The following CHST9 variants were observed in gnomAD, a reference collection of about 807,000 sequenced individuals.
The protein encoded by CHST9 is GalNAc-4-sulfotransferase 2.
In CHST9, 41 loss-of-function variants were observed where a neutral mutation model predicts 44.4. That is an observed-to-expected ratio of 0.92 (90% CI 0.72 to 1.20). The LOEUF is 1.20. Ranked by LOEUF, CHST9 falls within the 50% of genes most tolerant of loss-of-function variation. The pLI is 0.00. For synonymous variants in CHST9, 171 were observed against 178.4 expected (o/e 0.96, Z 0.33); for missense variants, 504 against 516.5 (o/e 0.98, Z 0.23).
intron 4 of CHST9, among the ~76,000 whole-genome samples, chr18:26,946,229 C>T (rs544223329): frequency 1.3e-5 from 2 of 152,110 alleles, no homozygotes; most frequent in Non-Finnish European, 2.9e-5. Context: ...AATTACAGAT[C>T]ACTGGTGTTT....
chr18:27,165,375 G>C (rs1426893162), intron 1 of CHST9, among the ~76,000 whole-genome samples: 4 of 152,126 alleles, frequency 2.6e-5, no homozygotes, highest in Non-Finnish European at 5.9e-5. Flanking sequence ...AATAATGAAA[G>C]CACTGACTCT....
chr18:27,170,418 T>A (rs1482977205), intron 1 of CHST9, among the ~76,000 whole-genome samples: 3 of 152,184 alleles, frequency 2.0e-5, no homozygotes, highest in Non-Finnish European at 2.9e-5. Flanking sequence ...GAAACAGGCC[T>A]TTATTGTATT....
chr18:27,098,695 C>T (rs866387126), intron 2 of CHST9, among the ~76,000 whole-genome samples: 3 of 152,170 alleles, frequency 2.0e-5, no homozygotes, highest in Middle Eastern at 3.4e-3. Context: ...AGCAAACTAA[C>T]ACAGGAACAG....
intron 2 of CHST9, among the ~76,000 whole-genome samples, chr18:27,076,000 G>T (rs1449533787): frequency 6.6e-6 from 1 of 152,160 alleles, no homozygotes; most frequent in East Asian, 1.9e-4. Context: ...GTAGCCATTG[G>T]AGGCTGTCCT....
chr18:26,976,323 TA>T (rs1423862169), intron 4 of CHST9, among the ~76,000 whole-genome samples: 1 of 152,040 alleles, frequency 6.6e-6, no homozygotes, highest in African/African-American at 2.4e-5. Context: ...CAAAGCTGGA[TA>T]TTGTTTCACT....
chr18:27,108,442 T>C (rs1424100321), intron 2 of CHST9, among the ~76,000 whole-genome samples: 12 of 152,184 alleles, frequency 7.9e-5, no homozygotes, highest in African/African-American at 2.9e-4. Flanking sequence ...ACATATTAAA[T>C]TATTTTTCAC....
chr18:26,935,521 TAATC>T (rs2055972744), intron 5 of CHST9: 1 of 152,254 alleles, frequency 6.6e-6, no homozygotes, highest in Admixed American at 6.5e-5. Flanking sequence ...GGTCACATTT[TAATC>T]AATCCACTGC....
chr18:27,004,657 A>G (rs2056993301), intron 4 of CHST9, among the ~76,000 whole-genome samples: 1 of 152,122 alleles, frequency 6.6e-6, no homozygotes, highest in Non-Finnish European at 1.5e-5. Context: ...CAATTTCAAA[A>G]TCTCTTTCAC....
At chr18:27,184,661 G>T (rs1008714261) in intron 1 of CHST9, among the ~76,000 whole-genome samples, 1 of 152,136 alleles carries the variant, frequency 6.6e-6, no homozygotes, top group Admixed American at 6.5e-5. Context: ...CCGCAGCAGA[G>T]ATGCTCGTCT....
At chr18:27,173,592 G>A (rs1448507839) in intron 1 of CHST9, among the ~76,000 whole-genome samples, 3 of 151,656 alleles carry the variant, frequency 2.0e-5, no homozygotes, top group South Asian at 2.1e-4. Flanking sequence ...ATTATGTATT[G>A]TCTCCTACAT....
chr18:27,069,107 A>G (rs1050196212), intron 2 of CHST9, among the ~76,000 whole-genome samples: 2 of 152,212 alleles, frequency 1.3e-5, no homozygotes, highest in Non-Finnish European at 1.5e-5. Context: ...GTAGATTTTA[A>G]GCTCTTACTA....
chr18:27,055,955 T>TGC (rs1341164639), intron 2 of CHST9, among the ~76,000 whole-genome samples: 6 of 150,014 alleles, frequency 4.0e-5, no homozygotes, highest in Admixed American at 2.0e-4. Flanking sequence ...TGTGTGTGTG[T>TGC]GTGTGTGTAT....
intron 4 of CHST9, among the ~76,000 whole-genome samples, chr18:26,945,297 A>G (rs2056146191): frequency 6.6e-6 from 1 of 152,198 alleles, no homozygotes; most frequent in African/African-American, 2.4e-5. Flanking sequence ...CAGTTCCCCT[A>G]ATGGTAACAT....
chr18:26,993,295 AAAAT>A (rs1156244804), intron 4 of CHST9, among the ~76,000 whole-genome samples: 1 of 152,126 alleles, frequency 6.6e-6, no homozygotes, highest in Non-Finnish European at 1.5e-5. Context: ...GCTTTTTTTT[AAAAT>A]AGGAAGAATC....
At chr18:26,957,218 G>A (rs1160656986) in intron 4 of CHST9, among the ~76,000 whole-genome samples, 1 of 152,136 alleles carries the variant, frequency 6.6e-6, no homozygotes, top group Non-Finnish European at 1.5e-5. Context: ...AAAGGATGAG[G>A]GGTGCAGGAG....
At chr18:27,177,448 G>GA (rs796373424) in intron 1 of CHST9, among the ~76,000 whole-genome samples, 21 of 144,756 alleles carry the variant, frequency 1.5e-4, no homozygotes, top group Middle Eastern at 3.4e-3. Context: ...TCTGTGAAAA[G>GA]AAAAAAAAAA....
At chr18:27,094,705 A>T (rs2058100626) in intron 2 of CHST9, among the ~76,000 whole-genome samples, 1 of 152,216 alleles carries the variant, frequency 6.6e-6, no homozygotes, top group Non-Finnish European at 1.5e-5. Flanking sequence ...CAAAGCTTGG[A>T]CATTTTTACT....
chr18:27,165,136 G>C (rs1170435980), intron 1 of CHST9, among the ~76,000 whole-genome samples: 2 of 152,146 alleles, frequency 1.3e-5, no homozygotes, highest in African/African-American at 4.8e-5. Context: ...AGATGCTTGG[G>C]AGACTGTGTG....
In CHST9 at chr18:26,960,304, T is replaced by C. The variant is rs551176765; in HGVS notation, c.203-15938A>G. Among the ~76,000 whole-genome samples the C allele has an allele frequency of 7.9e-5, 12 of 152,334 alleles. No homozygotes were observed. In the East Asian group the frequency reaches 2.1e-3, roughly 27 times the overall value. On this transcript the variant is annotated intron_variant, in intron 4 of 5. Coordinates refer to ENST00000618847, the MANE Select transcript of CHST9 (RefSeq NM_031422.6). ...TTGTATTTTATTTATATTTGAATAA[T>C]TTGATGTTTCAAATTATTCAACTTA...
Sources: allele counts gnomAD v4.1 joint callset (sites outside exome capture counted in the v4.1 genomes callset), GRCh38; gene constraint gnomAD v4.1.1; transcripts MANE v1.5; gene names NCBI Gene and HGNC (gene_info 2026-07-23, HGNC 2026-07-21).